Variants in LRMDA observed in about 807,000 individuals in gnomAD.
LRMDA encodes leucine-rich melanocyte differentiation-associated protein.
A neutral mutation model predicts 29.8 loss-of-function variants in LRMDA; 18 were observed. That is an observed-to-expected ratio of 0.60 (90% confidence interval 0.42 to 0.90). The LOEUF (loss-of-function observed/expected upper bound fraction) is 0.90. Among genes scored for constraint, LRMDA ranks in the 40% least tolerant of loss-of-function variants. The probability of loss-of-function intolerance (pLI) is 0.00; values close to 1 mark genes in which losing one functional copy is unlikely to be tolerated. For missense variants in LRMDA, 273 were observed against 273.9 expected (o/e 1.00, Z 0.02); for synonymous variants, 125 against 109.4 (o/e 1.14, Z -0.89).
At chr10:76,075,537 G>A (rs1352501925) in intron 5 of LRMDA, among the ~76,000 whole-genome samples, 2 of 152,218 alleles carry the variant, frequency 1.3e-5, no homozygotes, top group Admixed American at 6.5e-5. Flanking sequence ...AACTAATACA[G>A]CAGCTCAAAT....
chr10:75,750,993 G>A (rs979705163), intron 2 of LRMDA, among the ~76,000 whole-genome samples: 4 of 152,202 alleles, frequency 2.6e-5, no homozygotes, highest in African/African-American at 7.2e-5. Flanking sequence ...GTAGCCAGCC[G>A]AGATCACGCC....
intron 2 of LRMDA, among the ~76,000 whole-genome samples, chr10:75,828,330 A>AT (rs1422764764): frequency 6.6e-6 from 1 of 152,186 alleles, no homozygotes; most frequent in Non-Finnish European, 1.5e-5. Context: ...ACCAGGTCCA[A>AT]TTTTATAATT....
chr10:76,323,721 G>A (rs1327330457), intron 5 of LRMDA, among the ~76,000 whole-genome samples: 3 of 152,154 alleles, frequency 2.0e-5, no homozygotes, highest in African/African-American at 7.2e-5. Context: ...ACAGTTCTAT[G>A]GTTAAAGAGT....
intron 2 of LRMDA, among the ~76,000 whole-genome samples, chr10:75,980,494 G>A (rs879643772): frequency 1.1e-4 from 16 of 152,280 alleles, no homozygotes; most frequent in South Asian, 2.1e-4. Flanking sequence ...GTTGGGCCTC[G>A]TGAACTTGAT....
intron 2 of LRMDA, among the ~76,000 whole-genome samples, chr10:75,980,447 A>C (rs1847147201): frequency 6.6e-6 from 1 of 152,176 alleles, no homozygotes; most frequent in African/African-American, 2.4e-5. Flanking sequence ...AAGGTCCTTT[A>C]AGGAATGGGA....
At chr10:75,453,076 A>T (rs1008576196) in intron 2 of LRMDA, among the ~76,000 whole-genome samples, 1 of 152,198 alleles carries the variant, frequency 6.6e-6, no homozygotes, top group African/African-American at 2.4e-5. Flanking sequence ...AGCCTGATTT[A>T]GTTTAATATG....
chr10:75,548,987 G>A (rs868466668), intron 2 of LRMDA, among the ~76,000 whole-genome samples: 2 of 152,088 alleles, frequency 1.3e-5, no homozygotes, highest in Admixed American at 1.3e-4. Flanking sequence ...AGTTGGCCCT[G>A]TATATCCACT....
chr10:75,850,022 C>G (rs2132309737), intron 2 of LRMDA, among the ~76,000 whole-genome samples: 1 of 152,258 alleles, frequency 6.6e-6, no homozygotes, highest in East Asian at 1.9e-4. Flanking sequence ...ATGCTGGTAT[C>G]TTAGACTTTA....
intron 2 of LRMDA, among the ~76,000 whole-genome samples, chr10:75,754,527 G>A (rs1462801333): frequency 2.6e-5 from 4 of 151,568 alleles, no homozygotes; most frequent in Admixed American, 6.6e-5. Flanking sequence ...TCTTTTTTTC[G>A]CCTAACTGCA....
chr10:76,329,424 A>G (rs181486506), intron 6 of LRMDA, among the ~76,000 whole-genome samples: 1 of 152,294 alleles, frequency 6.6e-6, no homozygotes, highest in Non-Finnish European at 1.5e-5. Context: ...TGCTTATACT[A>G]TAGTCTTGAA....
intron 5 of LRMDA, among the ~76,000 whole-genome samples, chr10:76,159,835 T>G (rs1850611004): frequency 6.6e-6 from 1 of 151,994 alleles, no homozygotes; most frequent in African/African-American, 2.4e-5. Flanking sequence ...GGCAAAACTA[T>G]AGAGAGAGCA....
chr10:75,481,229 G>C (rs768080718), intron 2 of LRMDA, among the ~76,000 whole-genome samples: 4 of 152,158 alleles, frequency 2.6e-5, no homozygotes, highest in Non-Finnish European at 4.4e-5. Flanking sequence ...GGGCAGTTTA[G>C]CGTGAGAAGA....
intron 2 of LRMDA, among the ~76,000 whole-genome samples, chr10:75,479,221 C>T (rs1438096308): frequency 6.6e-6 from 1 of 152,114 alleles, no homozygotes; most frequent in Non-Finnish European, 1.5e-5. Flanking sequence ...AAAGTACACC[C>T]AACCGGCTTG....
chr10:75,670,662 G>A (rs990538425), intron 2 of LRMDA, among the ~76,000 whole-genome samples: 1 of 152,164 alleles, frequency 6.6e-6, no homozygotes, highest in Non-Finnish European at 1.5e-5. Flanking sequence ...TTGACCATTA[G>A]GTTCTTTCTC....
intron 6 of LRMDA, among the ~76,000 whole-genome samples, chr10:76,411,784 G>A (rs920524952): frequency 1.9e-4 from 29 of 152,238 alleles, no homozygotes; most frequent in African/African-American, 6.0e-4. Context: ...GCACCAGGCT[G>A]GGAAGCTTTG....
At chr10:76,078,739 G>A in intron 5 of LRMDA, among the ~76,000 whole-genome samples, 1 of 152,174 alleles carries the variant, frequency 6.6e-6, no homozygotes, top group East Asian at 1.9e-4. Flanking sequence ...GGGAGGCTGA[G>A]GCAGGAGAAT....
intron 5 of LRMDA, among the ~76,000 whole-genome samples, chr10:76,297,081 G>A (rs1017836978): frequency 1.3e-5 from 2 of 152,220 alleles, no homozygotes; most frequent in East Asian, 1.9e-4. Context: ...TTCACTGCCT[G>A]TGAAATGTCT....
intron 5 of LRMDA, among the ~76,000 whole-genome samples, chr10:76,276,278 T>C (rs1840133541): frequency 2.6e-5 from 4 of 151,976 alleles, no homozygotes. Flanking sequence ...TAGCTGGGTC[T>C]ACAAGCATGT....
intron 6 of LRMDA, among the ~76,000 whole-genome samples, chr10:76,382,020 C>T (rs1283938823): frequency 1.3e-5 from 2 of 152,156 alleles, no homozygotes; most frequent in African/African-American, 4.8e-5. Context: ...CGTTGTCCAT[C>T]ATGTTTAACA....
Sources: gnomAD v4.1 joint callset for allele counts (sites outside exome capture counted in the v4.1 genomes callset) on GRCh38, gnomAD v4.1.1 for gene constraint, MANE v1.5 for transcripts, NCBI Gene and HGNC (gene_info 2026-07-23, HGNC 2026-07-21) for gene names.